ACMSD: variants seen among roughly 807,000 people sequenced by gnomAD.
ACMSD encodes aminocarboxymuconate semialdehyde decarboxylase.
In ACMSD, 37 loss-of-function variants were observed where a neutral mutation model predicts 45.9. The ratio of observed to expected loss-of-function variants is 0.81; its 90% confidence interval spans 0.62 to 1.06. The LOEUF (loss-of-function observed/expected upper bound fraction) is 1.06. Among genes scored for constraint, ACMSD ranks in the 50% least tolerant of loss-of-function variants. The pLI is 0.00. For missense variants in ACMSD, 434 were observed against 420.9 expected, an observed-to-expected ratio of 1.03 and a Z score of -0.27; for synonymous variants, 138 against 148.8, an observed-to-expected ratio of 0.93 and a Z score of 0.53.
intron 8 of ACMSD, chr2:134,873,362 T>A (rs1391350551): frequency 6.6e-6 from 1 of 152,258 alleles, no homozygotes; most frequent in Non-Finnish European, 1.5e-5. Flanking sequence ...CTCAGCAAGT[T>A]CAAGAATTTC....
At chr2:134,897,653 G>A (rs1349400980) in intron 8 of ACMSD, among the ~76,000 whole-genome samples, 1 of 152,038 alleles carries the variant, frequency 6.6e-6, no homozygotes, top group Non-Finnish European at 1.5e-5. Context: ...CTTCAGAAAA[G>A]GAACCATGTC....
At chr2:134,843,917 T>G (rs1387102683) in intron 1 of ACMSD, among the ~76,000 whole-genome samples, 1 of 152,222 alleles carries the variant, frequency 6.6e-6, no homozygotes, top group African/African-American at 2.4e-5. Flanking sequence ...CCAGAGCACC[T>G]GTGCATCACA....
At chr2:134,850,856 G>A (rs538823581) in intron 2 of ACMSD, among the ~76,000 whole-genome samples, 119 of 152,124 alleles carry the variant, frequency 7.8e-4, no homozygotes, top group Non-Finnish European at 1.5e-3. Context: ...ATCAAGTGAC[G>A]CTGAGGTTTA....
intron 9 of ACMSD, among the ~76,000 whole-genome samples, chr2:134,899,523 A>C (rs1047603448): frequency 6.6e-5 from 10 of 152,138 alleles, no homozygotes; most frequent in Admixed American, 2.6e-4. Flanking sequence ...AAAACTTTCT[A>C]TTAACCAAAA....
rs535188653 is a variant in ACMSD at position 134,880,148 on chromosome 2, T to C, written c.849+7507T>C. 3.3e-5 allele frequency among the ~76,000 whole-genome samples: 5 copies of C among 152,356 alleles called. No homozygotes were observed. The East Asian group carries it at 5.8e-4, about 18-fold the overall frequency. ...AAGTCGTTTCTTTCCCTCAGAATTT[T>C]AAAGTCATTGTTCCATTGTGTTCCA... On this transcript the variant is annotated intron_variant, in intron 8 of 9. Transcript: ENST00000356140.
intron 2 of ACMSD, among the ~76,000 whole-genome samples, chr2:134,853,451 T>A (rs2104834451): frequency 6.6e-6 from 1 of 152,128 alleles, no homozygotes; most frequent in South Asian, 2.1e-4. Context: ...CTTTTGAGAG[T>A]TTAGGAAAAA....
intron 3 of ACMSD, among the ~76,000 whole-genome samples, chr2:134,861,205 A>C (rs1687836600): frequency 6.6e-6 from 1 of 152,130 alleles, no homozygotes; most frequent in Non-Finnish European, 1.5e-5. Flanking sequence ...ACCTACAGCA[A>C]AGAGCAAGGT....
At chr2:134,874,842 T>C (rs566606761) in intron 8 of ACMSD, among the ~76,000 whole-genome samples, 1 of 152,240 alleles carries the variant, frequency 6.6e-6, no homozygotes, top group African/African-American at 2.4e-5. Context: ...ATTAAGAAAA[T>C]AGAGTAAGAA....
intron 5 of ACMSD, 139 bp downstream of exon 5, chr2:134,863,770 A>G: frequency 4.7e-6 from 4 of 856,122 alleles, no homozygotes; most frequent in Admixed American, 2.3e-5. Context: ...TGATGTAGGT[A>G]GAAGGTGTGG....
intron 8 of ACMSD, among the ~76,000 whole-genome samples, chr2:134,888,406 T>G (rs914147579): frequency 2.0e-5 from 3 of 152,198 alleles, no homozygotes; most frequent in African/African-American, 4.8e-5. Flanking sequence ...ACCAGAATTT[T>G]CACACATTGT....
At chr2:134,852,064 C>T (rs1346271714) in intron 2 of ACMSD, among the ~76,000 whole-genome samples, 1 of 152,084 alleles carries the variant, frequency 6.6e-6, no homozygotes, top group African/African-American at 2.4e-5. Flanking sequence ...AAATAGAAAA[C>T]AAACGGCACA....
rs184609938 is a variant in ACMSD at position 134,846,635 on chromosome 2, G to A, written c.102+1358G>A. ...TTGTCCAGGCTGACCTCGAACTCCT[G>A]GCCTCAAGTGGTCCTCCCACTTCAG... is the stretch of plus-strand genomic sequence containing the variant. On this transcript the variant is annotated intron_variant, in intron 2 of 9. Transcript: ENST00000356140. 2.8e-3 allele frequency among the ~76,000 whole-genome samples: 430 copies of A among 152,118 alleles called. 1 individual carries two copies. Among genetic ancestry groups the A allele is most frequent in the Admixed American group, 6.7e-3 (103 of 15,276 alleles).
chr2:134,855,538 G>A (rs988827991), intron 2 of ACMSD, among the ~76,000 whole-genome samples: 12 of 152,326 alleles, frequency 7.9e-5, no homozygotes, highest in African/African-American at 2.9e-4. Flanking sequence ...CCTCCACCAC[G>A]ACTGCTGCAG....
At chr2:134,892,642 T>G (rs1312402006) in intron 8 of ACMSD, among the ~76,000 whole-genome samples, 3 of 151,986 alleles carry the variant, frequency 2.0e-5, no homozygotes, top group Admixed American at 1.3e-4. Flanking sequence ...AAGCCTAGGG[T>G]CAAGGGAGTC....
rs1160731934 is a variant in ACMSD, at chr2:134,885,350, AT to A, written c.849+12710del. 4.0e-4 allele frequency among the ~76,000 whole-genome samples: 40 copies of A among 101,126 alleles called. No homozygotes were observed. In the South Asian group the frequency reaches 4.1e-3, roughly 10 times the overall value. The allele number at this position is 101,126 out of a possible 152,430, so 66.3% of individuals were successfully genotyped here. The stretch of plus-strand genomic sequence containing the variant: ...ATATGTAAATATATATTTATATATA[AT>A]ATATATTTACATATATATTATATAT... On this transcript the variant is annotated intron_variant, in intron 8 of 9. Transcript: ENST00000356140.
chr2:134,873,442 A>G (rs907485419), intron 8 of ACMSD: 1 of 152,272 alleles, frequency 6.6e-6, no homozygotes, highest in African/African-American at 2.4e-5. Flanking sequence ...ACAGATATCT[A>G]TAGAAGATTT....
rs186011555 is a variant in ACMSD at position 134,898,520 on chromosome 2, T to C, written c.948+81T>C. 11 of 883,090 alleles carry C rather than the reference T, an allele frequency of 1.2e-5. No homozygotes were observed. The African/African-American group carries it at 1.7e-4, about 14-fold the overall frequency. The allele number at this position is 883,090 out of a possible 1,614,324, so 54.7% of individuals were successfully genotyped here. ...TTTGGTTTCAGAGCACTTTGATATA[T>C]AAAAACAAAGAACAGAGGAACCATT... On this transcript the variant is annotated intron_variant, in intron 9 of 9. Coordinates refer to ENST00000356140, the MANE Select transcript of ACMSD (RefSeq NM_138326.3).
intron 4 of ACMSD, chr2:134,862,882 C>A: frequency 1.3e-6 from 1 of 797,044 alleles, no homozygotes; most frequent in Non-Finnish European, 1.5e-6. Context: ...TCAACTGCCT[C>A]AGCATTTTGC....
intron 9 of ACMSD, 53 bp downstream of exon 9, chr2:134,898,492 G>T: frequency 7.3e-7 from 1 of 1,363,220 alleles, no homozygotes. Flanking sequence ...TGCTCTAATT[G>T]GGTTTGGTTT....
Sources: gnomAD v4.1 joint callset for allele counts (sites outside exome capture counted in the v4.1 genomes callset) on GRCh38, gnomAD v4.1.1 for gene constraint, MANE v1.5 for transcripts, NCBI Gene and HGNC (gene_info 2026-07-23, HGNC 2026-07-21) for gene names.